The following CR1L variants were observed in gnomAD, a reference collection of about 807,000 sequenced individuals.
CR1L encodes the protein complement C3b/C4b receptor 1 like.
CR1L carries 59 observed loss-of-function variants against 62.3 expected under a neutral mutation model. That is an observed-to-expected ratio of 0.95 (90% CI 0.77 to 1.18). CR1L has a LOEUF of 1.18. CR1L is among the 50% of genes most tolerant of loss of function. The pLI is 0.00. For synonymous variants in CR1L, 279 were observed against 248.7 expected (o/e 1.12, Z -1.15); for missense variants, 700 against 702.8 (o/e 1.00, Z 0.04).
At chr1:207,715,514 T>C (rs1358084532) in intron 10 of CR1L, 7 of 552,686 alleles carry the variant, frequency 1.3e-5, no homozygotes, top group Non-Finnish European at 1.9e-5. Context: ...ATTAAAATAC[T>C]TCTCTGTTGG....
intron 1 of CR1L, among the ~76,000 whole-genome samples, chr1:207,665,506 C>T (rs1571647883): frequency 6.6e-6 from 1 of 151,968 alleles, no homozygotes; most frequent in East Asian, 1.9e-4. Context: ...AAGCAATTCT[C>T]CTGGCTCAGC....
chr1:207,686,112 C>A (rs1443319244), intron 4 of CR1L, among the ~76,000 whole-genome samples: 400 of 24,538 alleles, frequency 0.016, 11 homozygotes, highest in South Asian at 0.075. Flanking sequence ...TCCTTCCTCC[C>A]TCCCTCCCTC....
At chr1:207,707,999 A>G (rs1450373876) in intron 9 of CR1L, among the ~76,000 whole-genome samples, 179 bp from the exon 10 acceptor site, 2 of 152,220 alleles carry the variant, frequency 1.3e-5, no homozygotes, top group Non-Finnish European at 2.9e-5. Flanking sequence ...GAGCAGAAAT[A>G]TCTCTTTTCA....
intron 1 of CR1L, among the ~76,000 whole-genome samples, chr1:207,651,037 G>C (rs60467252): frequency 7.2e-5 from 11 of 151,820 alleles, no homozygotes; most frequent in African/African-American, 2.2e-4. Context: ...CGCCCGCCTC[G>C]GCCTCCCAAA....
chr1:207,691,028 A>T (rs1441574968), intron 4 of CR1L, among the ~76,000 whole-genome samples: 1 of 152,224 alleles, frequency 6.6e-6, no homozygotes, highest in African/African-American at 2.4e-5. Flanking sequence ...TAGGACACAG[A>T]TATTTTTTAA....
rs763298400 is a variant in CR1L at position 207,697,797 on chromosome 1, C to T, written c.1066C>T (p.Gln356Ter). 7.4e-6 allele frequency: 12 copies of T among 1,613,846 alleles called. No homozygotes were observed. Among genetic ancestry groups the T allele is most frequent in the Non-Finnish European group, 1.7e-6 (2 of 1,179,890 alleles). ...GAAATCCTGTGATGACTTCCTGGGC[C>T]AACTTCCTAATGGCCATGTGCTATT... ...EVKSCDDFLG[Q>*]LPNGHVLFPL... is the part of the protein sequence containing the mutation. Residue 356 changes from glutamine to a stop codon, truncating the protein, a stop_gained, in exon 7 of 12, where the codon CAA becomes TAA. Transcript: ENST00000508064. LOFTEE classifies it high-confidence loss of function.
At chr1:207,665,544 G>A (rs769010060) in intron 1 of CR1L, among the ~76,000 whole-genome samples, 10 of 151,816 alleles carry the variant, frequency 6.6e-5, no homozygotes, top group East Asian at 1.9e-4. Flanking sequence ...TTACAGGTGC[G>A]ACACCATGCC....
At chr1:207,693,703 T>C (rs1664028859) in intron 4 of CR1L, among the ~76,000 whole-genome samples, 2 of 152,218 alleles carry the variant, frequency 1.3e-5, no homozygotes. Context: ...TGTGAAATAT[T>C]GAAATTACAT....
At chr1:207,653,180 G>T in intron 1 of CR1L, 1 of 161,612 alleles carries the variant, frequency 6.2e-6, no homozygotes, top group South Asian at 1.7e-4. Flanking sequence ...TTGTAATGAG[G>T]GGTAAGTAAG....
chr1:207,686,033 T>TC (rs1324685834), intron 4 of CR1L, among the ~76,000 whole-genome samples: 1 of 149,734 alleles, frequency 6.7e-6, no homozygotes, highest in Non-Finnish European at 1.5e-5. Context: ...CCTTCCCTTC[T>TC]GCCTGCCTGC....
At position 207,701,550 on chromosome 1, in the gene CR1L, G is replaced by A. The variant is rs1485609793; in HGVS notation, c.1260G>A (p.Val420=). 1 of 1,613,822 alleles carries A rather than the reference G, an allele frequency of 6.2e-7. No individual in the cohort carries two copies. Among genetic ancestry groups the A allele is most frequent in the South Asian group, 1.1e-5 (1 of 91,084 alleles). The change falls in exon 9 of 12, where the codon GTG becomes GTA. Residue 420 remains valine, a synonymous_variant. Coordinates refer to ENST00000508064, the MANE Select transcript of CR1L (RefSeq NM_175710.2). ...CATGTGAAACTCCTCCAGTTCCAGT[G>A]AATGGCATGGTGCATGTGATCACAG... ...RKSCETPPVP[V]NGMVHVITDI... is the part of the protein sequence containing the mutation.
rs1663100532 is a variant in CR1L at position 207,645,316 on chromosome 1, T to C, written c.83T>C (p.Leu28Pro). Residue 28 changes from leucine (L) to proline (P), a missense_variant, in exon 1 of 12, where the codon CTG becomes CCG. Transcript: ENST00000508064. ...GLLLAALVLL[L>P]SSFSDQCNVP... ...CTTCTGGCGGCCCTGGTGTTGCTGC[T>C]GTCCTCCTTCTCCGGTAGGACCCCG... 1.2e-6 allele frequency: 2 copies of C among 1,614,094 alleles called. No homozygotes were observed. The highest frequency in any genetic ancestry group is 1.7e-6 in the Non-Finnish European group (2 of 1,180,008).
chr1:207,679,620 G>A (rs971481965), intron 3 of CR1L, among the ~76,000 whole-genome samples: 2 of 152,010 alleles, frequency 1.3e-5, no homozygotes, highest in Non-Finnish European at 2.9e-5. Context: ...GAAATCTCAG[G>A]TTCACACACA....
intron 9 of CR1L, among the ~76,000 whole-genome samples, chr1:207,704,413 T>G (rs1664239456): frequency 6.6e-6 from 1 of 152,220 alleles, no homozygotes; most frequent in Non-Finnish European, 1.5e-5. Flanking sequence ...ACCACAAATT[T>G]AGAATATTAC....
chr1:207,717,370 A>G, intron 10 of CR1L, 94 bp from the exon 11 acceptor site: 1 of 1,393,510 alleles, frequency 7.2e-7, no homozygotes, highest in Non-Finnish European at 9.7e-7. Flanking sequence ...AAAAGAAAAA[A>G]AATTATATTC....
At chr1:207,661,352 G>A (rs1045973188) in intron 1 of CR1L, among the ~76,000 whole-genome samples, 4 of 152,168 alleles carry the variant, frequency 2.6e-5, no homozygotes, top group African/African-American at 7.2e-5. Context: ...TATATATTTA[G>A]GATAGTTAGC....
chr1:207,672,681 T>C (rs1663631039), intron 1 of CR1L, among the ~76,000 whole-genome samples: 1 of 152,062 alleles, frequency 6.6e-6, no homozygotes, highest in African/African-American at 2.4e-5. Flanking sequence ...GTATGCTAAT[T>C]AAGCTTTACC....
intron 10 of CR1L, among the ~76,000 whole-genome samples, chr1:207,716,056 G>T (rs1394327708): frequency 4.6e-5 from 7 of 152,016 alleles, no homozygotes; most frequent in Non-Finnish European, 8.8e-5. Context: ...TTGTTTTTTA[G>T]CCTGCAGTAT....
rs530227821 is a variant in CR1L, at chr1:207,697,308, A to C, written c.863-195A>C. On this transcript the variant is annotated intron_variant, in intron 5 of 11. Transcript: ENST00000508064. Reference sequence around the variant, plus strand: ...ACCTCTGTTTTAGTCACAGTTGTGCAATGTGTCAGTTCTATGAGTGATGGC... The same window carrying C: ...ACCTCTGTTTTAGTCACAGTTGTGCCATGTGTCAGTTCTATGAGTGATGGC... Among the ~76,000 whole-genome samples the C allele has an allele frequency of 3.3e-5, 5 of 152,330 alleles. No homozygotes were observed. The South Asian group carries it at 6.2e-4, about 19-fold the overall frequency.
Sources: allele counts gnomAD v4.1 joint callset (sites outside exome capture counted in the v4.1 genomes callset), GRCh38; gene constraint gnomAD v4.1.1; transcripts MANE v1.5; gene names NCBI Gene and HGNC (gene_info 2026-07-23, HGNC 2026-07-21).